RRM2: variants seen among roughly 807,000 people sequenced by gnomAD.
RRM2 encodes ribonucleotide reductase regulatory subunit M2.
In RRM2, 6 loss-of-function variants were observed where a neutral mutation model predicts 45.9. The ratio of observed to expected loss-of-function variants is 0.13; its 90% CI spans 0.07 to 0.26. The LOEUF (loss-of-function observed/expected upper bound fraction) is 0.26, where lower values mean the gene tolerates loss of function less well. Among genes scored for constraint, RRM2 ranks in the 10% least tolerant of loss-of-function variants. The pLI is 1.00. For missense variants in RRM2, 343 were observed against 489.5 expected (o/e 0.70, Z 2.82); for synonymous variants, 177 against 173.0 (o/e 1.02, Z -0.18).
At chr2:10,142,422 T>G in intron 3 of RRM2, 1 of 1,366,548 alleles carries the variant, frequency 7.3e-7, no homozygotes, top group Non-Finnish European at 9.8e-7. Flanking sequence ...GGGGCCACTG[T>G]GGAGGTGGCT....
upstream of RRM2, among the ~76,000 whole-genome samples, chr2:10,139,203 T>C (rs1157381898): frequency 6.6e-6 from 1 of 152,132 alleles, no homozygotes; most frequent in Admixed American, 6.5e-5. Context: ...AAAAGAAAGC[T>C]CGTGTCCCTT....
chr2:10,205,633 G>A lies in RRM2; in HGVS notation n.483-4678G>A, dbSNP rs766136989. 2.6e-5 allele frequency among the ~76,000 whole-genome samples: 4 copies of A among 152,150 alleles called. No individual in the cohort carries two copies. Among genetic ancestry groups the A allele is most frequent in the Non-Finnish European group, 5.9e-5 (4 of 68,028 alleles). ...ATGTCTGAAAAAGATTTATGGCAGA[G>A]ATGCTGGATGGAAAACAAACACACA... On this transcript the variant is annotated intron_variant and non_coding_transcript_variant, in intron 3 of 3. Transcript: ENST00000381786. The surrounding 1 kb of genome is among the most constrained non-coding windows in gnomAD (Gnocchi z 4.8).
rs1491392869 is a variant in RRM2 at position 10,172,092 on chromosome 2, A to AG, written n.482+29722dup. Among the ~76,000 whole-genome samples the AG allele has an allele frequency of 2.0e-5, 3 of 152,090 alleles. No individual in the cohort carries two copies. Among genetic ancestry groups the AG allele is most frequent in the Non-Finnish European group, 4.4e-5 (3 of 68,044 alleles). On this transcript the variant is annotated intron_variant and non_coding_transcript_variant, in intron 3 of 3. Coordinates refer to the RRM2 transcript ENST00000381786. The surrounding 1 kb of genome is among the most constrained non-coding windows in gnomAD (Gnocchi z 4.9). ...TGCATTTGAGCATGAGTGCATTAACAGGGGGAACGTCTGTGTTTACAGGGC... is the reference window on the plus strand; with the variant it reads ...TGCATTTGAGCATGAGTGCATTAACAGGGGGGAACGTCTGTGTTTACAGGGC...
chr2:10,208,599 A>G (rs959672071), intron 3 of RRM2, among the ~76,000 whole-genome samples: 2 of 152,200 alleles, frequency 1.3e-5, no homozygotes, highest in Non-Finnish European at 2.9e-5. Flanking sequence ...AAGATGAGTA[A>G]AGGGTTATTG....
rs1403899025 is a variant in RRM2, at chr2:10,126,984, G to T, written c.664+15G>T. ...GGCTACCTATGGTAAGGAGACCCTT[G>T]CCCCTACTTAAACCTGAGCTTCATT... On this transcript the variant is annotated intron_variant, in intron 6 of 9. Coordinates refer to ENST00000304567, the MANE Select transcript of RRM2 (RefSeq NM_001034.4). The T allele has an allele frequency of 9.3e-6, 15 of 1,612,322 alleles. No individual in the cohort carries two copies. The highest frequency in any genetic ancestry group is 1.3e-5 in the Non-Finnish European group (15 of 1,178,568).
chr2:10,122,963 T>G lies in RRM2; in HGVS notation c.100-20T>G. ...CAGGGAAAGCGAAGCCGCTCCTCAC[T>G]CACACGCGTCTCCCCGCAGCCGCCG... On this transcript the variant is annotated intron_variant, in intron 1 of 9. Transcript: ENST00000304567. 1 of 1,547,778 alleles carries G rather than the reference T, an allele frequency of 6.5e-7. No homozygotes were observed. The highest frequency in any genetic ancestry group is 1.4e-5 in the African/African-American group (1 of 73,918).
At position 10,123,045 on chromosome 2, in the gene RRM2, G is replaced by A. The variant is rs1284639187; in HGVS notation, c.162G>A (p.Glu54=). The change falls in exon 2 of 10, where the codon GAG becomes GAA. Residue 54 remains glutamate, a synonymous_variant. Coordinates refer to ENST00000304567, the MANE Select transcript of RRM2 (RefSeq NM_001034.4). ...ASKTARRIFQ[E]PTEPKTKAAA... ...AGACCGCGAGGAGGATCTTCCAGGA[G>A]CCCACGGAGCCGGTGAGTGGCGGGC... 1.3e-6 allele frequency: 2 copies of A among 1,563,440 alleles called. No homozygotes were observed. The highest frequency in any genetic ancestry group is 1.2e-5 in the South Asian group (1 of 86,600).
chr2:10,191,595 C>T (rs775575882), intron 3 of RRM2, among the ~76,000 whole-genome samples: 9 of 152,190 alleles, frequency 5.9e-5, no homozygotes, highest in South Asian at 2.1e-4. Context: ...TGAGTTGGAG[C>T]GGAGCAGGGG....
intron 3 of RRM2, among the ~76,000 whole-genome samples, chr2:10,189,673 T>C (rs1342548653): frequency 6.6e-6 from 1 of 152,194 alleles, no homozygotes; most frequent in African/African-American, 2.4e-5. Context: ...GGACTTCAAC[T>C]CTCCTAGTCT....
chr2:10,209,646 G>A (rs796715094), intron 3 of RRM2, among the ~76,000 whole-genome samples: 3 of 151,680 alleles, frequency 2.0e-5, no homozygotes, highest in African/African-American at 7.3e-5. Context: ...TGTTGGGATC[G>A]GCTTCCAAAT....
intron 3 of RRM2, among the ~76,000 whole-genome samples, chr2:10,193,306 C>G (rs899723199): frequency 1.3e-5 from 2 of 152,190 alleles, no homozygotes; most frequent in Non-Finnish European, 2.9e-5. Flanking sequence ...TGTGCCTCCT[C>G]CCGGAGCTGC....
chr2:10,128,942 G>T lies in RRM2; in HGVS notation c.893G>T (p.Arg298Leu). 1 of 1,612,126 alleles carries T rather than the reference G, an allele frequency of 6.2e-7. No homozygotes were observed. Among genetic ancestry groups the T allele is most frequent in the Non-Finnish European group, 8.5e-7 (1 of 1,178,208 alleles). Residue 298 changes from arginine (R) to leucine (L), a missense_variant, in exon 8 of 10, where the codon CGG becomes CTG. Arg to Leu is a moderately radical substitution (Grantham distance 102). Around this residue, in one of 2 missense-constraint regions of RRM2, gnomAD observed 212 missense variants for 368.1 expected, o/e 0.58. Coordinates refer to ENST00000304567, the MANE Select transcript of RRM2 (RefSeq NM_001034.4). ...AGAGAAATAATTATCAATGCTGTTCGGATAGAACAGGTAAAGTGGGTGATG... is the reference window on the plus strand; with the variant it reads ...AGAGAAATAATTATCAATGCTGTTCTGATAGAACAGGTAAAGTGGGTGATG... ...RVREIIINAV[R>L]IEQEFLTEAL... is the part of the protein sequence containing the mutation.
At chr2:10,177,921 CTT>C (rs1314547237) in intron 3 of RRM2, among the ~76,000 whole-genome samples, 8 of 141,564 alleles carry the variant, frequency 5.7e-5, no homozygotes, top group African/African-American at 1.0e-4. Context: ...TGCGCTCAAG[CTT>C]TTTTTTTTTT....
At chr2:10,174,014 C>G (rs1442175284) in intron 3 of RRM2, among the ~76,000 whole-genome samples, 3 of 152,164 alleles carry the variant, frequency 2.0e-5, no homozygotes, top group African/African-American at 7.2e-5. Context: ...AGGCCCAAAC[C>G]CCCAGTGTGG....
At chr2:10,186,925 C>G (rs944826621) in intron 3 of RRM2, among the ~76,000 whole-genome samples, 1 of 152,224 alleles carries the variant, frequency 6.6e-6, no homozygotes, top group African/African-American at 2.4e-5. Context: ...GAGCGCTGAA[C>G]CATCCAAGTT....
chr2:10,152,246 C>T (rs7420698), intron 3 of RRM2, among the ~76,000 whole-genome samples: 88,316 of 151,536 alleles, frequency 0.58, 26,292 homozygotes, highest in Non-Finnish European at 0.66. Context: ...CCATGCCCGG[C>T]CCCTTTGCCC....
At chr2:10,161,662 T>G (rs1339689676) in intron 3 of RRM2, among the ~76,000 whole-genome samples, 4 of 149,368 alleles carry the variant, frequency 2.7e-5, no homozygotes, top group African/African-American at 1.0e-4. Context: ...ACACTCACAC[T>G]CATGCACACA....
At chr2:10,165,079 G>A (rs375709643) in intron 3 of RRM2, among the ~76,000 whole-genome samples, 45 of 152,264 alleles carry the variant, frequency 3.0e-4, no homozygotes, top group East Asian at 2.9e-3. Context: ...AGCCTCCTGA[G>A]TAGCTGGGAC....
At chr2:10,189,780 G>T (rs1664245722) in intron 3 of RRM2, among the ~76,000 whole-genome samples, 1 of 152,262 alleles carries the variant, frequency 6.6e-6, no homozygotes, top group Non-Finnish European at 1.5e-5. Flanking sequence ...GAGGCATGGT[G>T]ACACTAGATG....
Sources: gnomAD v4.1 joint callset for allele counts (sites outside exome capture counted in the v4.1 genomes callset) on GRCh38, gnomAD v4.1.1 for gene constraint, gnomAD v4.1.1 regional missense constraint, Gnocchi (gnomAD v3.1) non-coding constraint, MANE v1.5 for transcripts, NCBI Gene and HGNC (gene_info 2026-07-23, HGNC 2026-07-21) for gene names.